The following MSRA variants were observed in gnomAD, a reference collection of about 807,000 sequenced individuals.
The protein encoded by MSRA is mitochondrial peptide methionine sulfoxide reductase.
Under a neutral mutation model 31.3 loss-of-function variants are expected in MSRA, and 54 were observed. The observed-to-expected ratio is 1.73, with a 90% CI of 1.39 to 2.17. MSRA has a LOEUF of 2.17. MSRA is among the 30% of genes most tolerant of loss of function. The probability of loss-of-function intolerance (pLI) is 0.00; values close to 1 mark genes in which losing one functional copy is unlikely to be tolerated. For synonymous variants in MSRA, 169 were observed against 116.5 expected, an observed-to-expected ratio of 1.45 and a Z score of -2.90; for missense variants, 507 against 300.9, an observed-to-expected ratio of 1.69 and a Z score of -5.07.
At chr8:10,399,791 C>T (rs545616156) in intron 5 of MSRA, among the ~76,000 whole-genome samples, 4 of 152,038 alleles carry the variant, frequency 2.6e-5, no homozygotes, top group African/African-American at 4.8e-5. Context: ...GTTATGGTGG[C>T]GGCTGTAGCA....
chr8:10,324,246 CATTTAT>C (rs1802231383), intron 5 of MSRA, among the ~76,000 whole-genome samples: 1 of 152,150 alleles, frequency 6.6e-6, no homozygotes, highest in Non-Finnish European at 1.5e-5. Context: ...AATTAATTTA[CATTTAT>C]ATTTAAGTGG....
At chr8:10,427,447 AG>A (rs1303018530) in intron 5 of MSRA, among the ~76,000 whole-genome samples, 8 of 152,100 alleles carry the variant, frequency 5.3e-5, no homozygotes, top group Non-Finnish European at 1.2e-4. Context: ...TAGGACGCAG[AG>A]GGTGGTGATG....
At position 10,428,748 on chromosome 8, in the gene MSRA, A is replaced by G. The variant is rs554724954; in HGVS notation, c.*436A>G. The G allele has an allele frequency of 1.8e-4, 34 of 192,958 alleles. No homozygotes were observed. The highest frequency in any genetic ancestry group is 5.5e-4 in the South Asian group (5 of 9,166). 12.0% of individuals were successfully genotyped at this position (192,958 alleles called of 1,614,324 possible). A position where few individuals can be genotyped will look rare whatever the true frequency, so the allele number is the denominator to read the frequency against. ...TGAAATCCTTCGCTTTACCAAATCT[A>G]GACATACATAAGGGGCTTTCTCTCC... On this transcript the variant is annotated 3_prime_UTR_variant, in exon 6 of 6. Transcript: ENST00000317173.
intron 3 of MSRA, among the ~76,000 whole-genome samples, chr8:10,281,306 C>G (rs1434235299): frequency 1.3e-5 from 2 of 152,230 alleles, no homozygotes; most frequent in Non-Finnish European, 2.9e-5. Context: ...TGCCATTCTC[C>G]TGGACTTTTC....
At chr8:10,157,099 C>G (rs1007243254) in intron 1 of MSRA, among the ~76,000 whole-genome samples, 2 of 152,018 alleles carry the variant, frequency 1.3e-5, no homozygotes, top group African/African-American at 2.4e-5. Flanking sequence ...AAACCCAGTT[C>G]TTTCTGACTC....
intron 1 of MSRA, among the ~76,000 whole-genome samples, chr8:10,133,912 C>G (rs1387274671): frequency 1.3e-5 from 2 of 152,074 alleles, no homozygotes; most frequent in African/African-American, 2.4e-5. Context: ...CTCACTGTGA[C>G]CTCTGTCTCC....
intron 5 of MSRA, among the ~76,000 whole-genome samples, chr8:10,342,900 C>A (rs1480021296): frequency 6.6e-6 from 1 of 152,190 alleles, no homozygotes; most frequent in Non-Finnish European, 1.5e-5. Context: ...GTCTTAACTT[C>A]TCTGGCCTGA....
chr8:10,385,908 C>A (rs7824675), intron 5 of MSRA, among the ~76,000 whole-genome samples: 73,472 of 151,730 alleles, frequency 0.48, 18,787 homozygotes, highest in African/African-American at 0.55. Flanking sequence ...AAGAATACGT[C>A]GTGACAGAGG....
intron 1 of MSRA, among the ~76,000 whole-genome samples, chr8:10,092,106 C>G (rs370691293): frequency 6.6e-6 from 1 of 151,974 alleles, no homozygotes; most frequent in East Asian, 1.9e-4. Context: ...AGTGTCTTTG[C>G]TGATATTCTG....
chr8:10,349,094 T>C (rs1177889921), intron 5 of MSRA, among the ~76,000 whole-genome samples: 1 of 152,240 alleles, frequency 6.6e-6, no homozygotes, highest in African/African-American at 2.4e-5. Context: ...ATCTATTCAT[T>C]CTAAAACATG....
chr8:10,302,636 G>T (rs983630885), intron 4 of MSRA, among the ~76,000 whole-genome samples: 10 of 152,248 alleles, frequency 6.6e-5, no homozygotes, highest in Admixed American at 5.9e-4. Flanking sequence ...TTGCCAGAGG[G>T]CAAAGGTCAG....
At chr8:10,171,044 T>C (rs2129046302) in intron 1 of MSRA, among the ~76,000 whole-genome samples, 1 of 152,244 alleles carries the variant, frequency 6.6e-6, no homozygotes, top group East Asian at 1.9e-4. Flanking sequence ...TGAAGAATGA[T>C]GCCAGCTGTA....
At chr8:10,218,087 G>A (rs1810156177) in intron 2 of MSRA, among the ~76,000 whole-genome samples, 2 of 151,078 alleles carry the variant, frequency 1.3e-5, no homozygotes, top group African/African-American at 4.9e-5. Flanking sequence ...GTTTCATTCA[G>A]GAGGCATTTA....
At chr8:10,090,347 A>G (rs1046278236) in intron 1 of MSRA, among the ~76,000 whole-genome samples, 6 of 152,196 alleles carry the variant, frequency 3.9e-5, no homozygotes, top group Non-Finnish European at 8.8e-5. Context: ...GGATGGAACC[A>G]AGAAGTCAAA....
At chr8:10,234,362 G>A (rs977546346) in intron 2 of MSRA, among the ~76,000 whole-genome samples, 1 of 152,106 alleles carries the variant, frequency 6.6e-6, no homozygotes, top group Non-Finnish European at 1.5e-5. Flanking sequence ...TTTGAGTTTG[G>A]GAGAAGGTTA....
chr8:10,093,709 C>T (rs1312750819), intron 1 of MSRA, among the ~76,000 whole-genome samples: 2 of 152,114 alleles, frequency 1.3e-5, no homozygotes, highest in East Asian at 3.8e-4. Context: ...TACCTTTATA[C>T]TTACTCCTAT....
chr8:10,414,752 C>T (rs967620453), intron 5 of MSRA, among the ~76,000 whole-genome samples: 1 of 152,202 alleles, frequency 6.6e-6, no homozygotes, highest in Admixed American at 6.5e-5. Context: ...CAAGGTGAAA[C>T]CTGCTATCCT....
At chr8:10,216,632 T>C (rs987330081) in intron 2 of MSRA, among the ~76,000 whole-genome samples, 1 of 152,244 alleles carries the variant, frequency 6.6e-6, no homozygotes, top group Admixed American at 6.5e-5. Context: ...TGTCTAAATT[T>C]GACTACTCTA....
intron 1 of MSRA, among the ~76,000 whole-genome samples, chr8:10,204,217 A>G (rs186996525): frequency 3.3e-5 from 5 of 152,234 alleles, no homozygotes; most frequent in East Asian, 1.9e-4. Context: ...AAAAAATTAC[A>G]GTAGCTGAGG....
Sources: allele counts gnomAD v4.1 joint callset (sites outside exome capture counted in the v4.1 genomes callset), GRCh38; gene constraint gnomAD v4.1.1; transcripts MANE v1.5; gene names NCBI Gene and HGNC (gene_info 2026-07-23, HGNC 2026-07-21).